ASXL3: variants seen among roughly 807,000 people sequenced by gnomAD.
ASXL3 encodes the protein ASXL transcriptional regulator 3.
ASXL3 carries 34 observed loss-of-function variants against 170.6 expected under a neutral mutation model. The observed-to-expected ratio is 0.20, with a 90% confidence interval of 0.15 to 0.27. The LOEUF (loss-of-function observed/expected upper bound fraction) is 0.27, where lower values mean the gene tolerates loss of function less well. ASXL3 is among the 10% of genes least tolerant of loss of function. The pLI is 1.00. For missense variants in ASXL3, 2,592 were observed against 2,695.3 expected (o/e 0.96, Z 0.85); for synonymous variants, 1,002 against 989.1 (o/e 1.01, Z -0.24).
chr18:33,690,022 T>C (rs1385666531), intron 8 of ASXL3, among the ~76,000 whole-genome samples: 1 of 152,066 alleles, frequency 6.6e-6, no homozygotes, highest in East Asian at 1.9e-4. Flanking sequence ...TTATTATTTA[T>C]TTATTTATTT....
chr18:33,672,282 C>G (rs567395321), intron 7 of ASXL3, among the ~76,000 whole-genome samples: 2 of 152,190 alleles, frequency 1.3e-5, no homozygotes, highest in South Asian at 4.1e-4. Context: ...GTGGGGTCTG[C>G]TGCAGTAAAA....
At chr18:33,699,647 T>C (rs2066835678) in intron 8 of ASXL3, among the ~76,000 whole-genome samples, 1 of 152,070 alleles carries the variant, frequency 6.6e-6, no homozygotes, top group Admixed American at 6.6e-5. Flanking sequence ...AATATTTGCA[T>C]AGAACTCTTT....
chr18:33,604,705 C>A (rs1329119832), intron 1 of ASXL3, among the ~76,000 whole-genome samples: 2 of 151,960 alleles, frequency 1.3e-5, no homozygotes, highest in African/African-American at 4.8e-5. Flanking sequence ...GGTCCAAGCT[C>A]TCTCATCTCC....
chr18:33,611,262 G>A (rs1467290049), intron 2 of ASXL3, among the ~76,000 whole-genome samples: 5 of 151,826 alleles, frequency 3.3e-5, no homozygotes, highest in Non-Finnish European at 7.4e-5. Context: ...TTCCATGTGG[G>A]TAAAAAAGAA....
chr18:33,636,332 ACAG>A (rs145034361), intron 2 of ASXL3, among the ~76,000 whole-genome samples: 10,594 of 76,842 alleles, frequency 0.14, 627 homozygotes, highest in East Asian at 0.43. Context: ...AACAACAACA[ACAG>A]CAACAACAAC....
chr18:33,621,091 A>G (rs1240729952), intron 2 of ASXL3, among the ~76,000 whole-genome samples: 1 of 152,314 alleles, frequency 6.6e-6, no homozygotes, highest in African/African-American at 2.4e-5. Context: ...AAACTAAGAC[A>G]TGAATGAGGT....
At chr18:33,694,293 C>T (rs1036442002) in intron 8 of ASXL3, among the ~76,000 whole-genome samples, 22 of 152,208 alleles carry the variant, frequency 1.4e-4, no homozygotes, top group African/African-American at 3.6e-4. Flanking sequence ...TTATACATAG[C>T]GGATCTCTCC....
At chr18:33,742,266 A>G (rs925509844) in intron 11 of ASXL3, among the ~76,000 whole-genome samples, 3 of 152,240 alleles carry the variant, frequency 2.0e-5, no homozygotes, top group African/African-American at 7.2e-5. Flanking sequence ...TGAGTTTACA[A>G]ACTTCTCTTG....
intron 1 of ASXL3, among the ~76,000 whole-genome samples, chr18:33,581,472 A>AGTGTGTGTGTGTGTGTGTGTGTGT (rs150752638): frequency 1.2e-4 from 17 of 145,290 alleles, no homozygotes; most frequent in African/African-American, 4.0e-4. Flanking sequence ...TGCTGGAGTG[A>AGTGTGTGTGTGTGTGTGTGTGTGT]GTGTGTGTGT....
rs148183348 is a variant in ASXL3, at chr18:33,742,444, C to T, written c.3040-444C>T. Among the ~76,000 whole-genome samples, 47 of 152,272 alleles carry T rather than the reference C, an allele frequency of 3.1e-4. 1 individual carries two copies. The East Asian group carries it at 8.9e-3, about 29-fold the overall frequency. The stretch of plus-strand genomic sequence containing the variant: ...AAATGAGAATTCTAGTTGTCAATAT[C>T]TCAGTCAGGGCTTTTTTCTTTGGGT... On this transcript the variant is annotated intron_variant, in intron 11 of 11. Transcript: ENST00000269197.
intron 1 of ASXL3, among the ~76,000 whole-genome samples, chr18:33,585,449 G>A (rs2065026985): frequency 6.6e-6 from 1 of 152,114 alleles, no homozygotes; most frequent in Non-Finnish European, 1.5e-5. Context: ...GCAATTAACA[G>A]CTTTATCAGT....
chr18:33,602,560 T>C (rs2065195270), intron 1 of ASXL3, among the ~76,000 whole-genome samples: 1 of 152,130 alleles, frequency 6.6e-6, no homozygotes. Context: ...ATAGGGAATG[T>C]TAAACATATT....
At chr18:33,579,882 TGTA>T (rs2064978176) in intron 1 of ASXL3, among the ~76,000 whole-genome samples, 1 of 152,216 alleles carries the variant, frequency 6.6e-6, no homozygotes. Context: ...TTACTGTAAC[TGTA>T]GTCATTTTGA....
At position 33,749,160 on chromosome 18, in the gene ASXL3, A is replaced by G. The variant is rs2067845877; in HGVS notation, c.*2565A>G. The G allele has an allele frequency of 6.6e-6, 1 of 151,436 alleles. No individual in the cohort carries two copies. Among genetic ancestry groups the G allele is most frequent in the Admixed American group, 6.6e-5 (1 of 15,188 alleles). The allele number at this position is 151,436 out of a possible 1,614,324, so 9.4% of individuals were successfully genotyped here. ...ACTGAAAAATTAATATCTTTAAGCT[A>G]AAATATAAGGGAAAGGAAGAAGAGA... On this transcript the variant is annotated 3_prime_UTR_variant, in exon 12 of 12. Coordinates refer to ENST00000269197, the MANE Select transcript of ASXL3 (RefSeq NM_030632.3).
intron 9 of ASXL3, among the ~76,000 whole-genome samples, chr18:33,733,035 G>A (rs1568355497): frequency 6.6e-6 from 1 of 151,958 alleles, no homozygotes; most frequent in Non-Finnish European, 1.5e-5. Flanking sequence ...CTACGTTTCT[G>A]CCAGCCCTTG....
At chr18:33,579,417 A>G (rs1233260762) in intron 1 of ASXL3, among the ~76,000 whole-genome samples, 1 of 152,110 alleles carries the variant, frequency 6.6e-6, no homozygotes, top group Admixed American at 6.5e-5. Flanking sequence ...GGAGGTTATT[A>G]AGAGTGTACA....
intron 2 of ASXL3, among the ~76,000 whole-genome samples, chr18:33,628,446 A>C (rs1202872148): frequency 1.3e-5 from 2 of 152,186 alleles, no homozygotes; most frequent in Non-Finnish European, 2.9e-5. Flanking sequence ...GAAAATTTCC[A>C]GAGTTTTCCT....
At chr18:33,708,133 T>C (rs2066993973) in intron 8 of ASXL3, among the ~76,000 whole-genome samples, 1 of 152,192 alleles carries the variant, frequency 6.6e-6, no homozygotes, top group South Asian at 2.1e-4. Flanking sequence ...AATGATGCTT[T>C]CTTAAAATTA....
intron 8 of ASXL3, among the ~76,000 whole-genome samples, chr18:33,718,689 A>G (rs959609713): frequency 1.3e-5 from 2 of 151,124 alleles, no homozygotes; most frequent in East Asian, 1.9e-4. Flanking sequence ...GCAGTTTACA[A>G]TCTTTTTCTT....
Sources: allele counts gnomAD v4.1 joint callset (sites outside exome capture counted in the v4.1 genomes callset), GRCh38; gene constraint gnomAD v4.1.1; transcripts MANE v1.5; gene names NCBI Gene and HGNC (gene_info 2026-07-23, HGNC 2026-07-21).